The following TMEM232 variants were observed in gnomAD, a reference collection of about 807,000 sequenced individuals.
TMEM232 encodes the protein transmembrane protein 232.
Under a neutral mutation model 78.8 loss-of-function variants are expected in TMEM232, and 80 were observed. The observed-to-expected ratio is 1.01, with a 90% CI of 0.85 to 1.22. The LOEUF is 1.22. Ranked by LOEUF, TMEM232 falls within the 50% of genes most tolerant of loss-of-function variation. The pLI, the probability that TMEM232 is intolerant of heterozygous loss-of-function variation, is 0.00. For missense variants in TMEM232, 881 were observed against 742.2 expected (o/e 1.19, Z -2.17); for synonymous variants, 297 against 254.3 (o/e 1.17, Z -1.60).
chr5:110,598,314 C>A (rs541628604), intron 10 of TMEM232, among the ~76,000 whole-genome samples: 25 of 152,088 alleles, frequency 1.6e-4, no homozygotes, highest in Non-Finnish European at 3.1e-4. Flanking sequence ...CAATGAGATA[C>A]CATCTCACAC....
chr5:110,505,589 C>A (rs1439153456), intron 12 of TMEM232, among the ~76,000 whole-genome samples: 1 of 152,170 alleles, frequency 6.6e-6, no homozygotes, highest in Non-Finnish European at 1.5e-5. Flanking sequence ...TCACTGCAAC[C>A]TCCACCACCT....
chr5:110,511,204 A>C (rs1421438025), intron 12 of TMEM232, among the ~76,000 whole-genome samples: 1 of 152,168 alleles, frequency 6.6e-6, no homozygotes, highest in Admixed American at 6.6e-5. Context: ...ACAGAAAACC[A>C]AATACTGCAT....
At chr5:110,613,332 A>G (rs916930419) in intron 8 of TMEM232, among the ~76,000 whole-genome samples, 2 of 152,188 alleles carry the variant, frequency 1.3e-5, no homozygotes, top group African/African-American at 4.8e-5. Context: ...GACCAATAGC[A>G]TCAGAAATGG....
At chr5:110,401,337 A>G (rs543954364) in intron 2 of TMEM232, among the ~76,000 whole-genome samples, 26 of 151,622 alleles carry the variant, frequency 1.7e-4, no homozygotes, top group Admixed American at 5.9e-4. Context: ...ACAAATTTCA[A>G]GTGTCAATAA....
intron 2 of TMEM232, among the ~76,000 whole-genome samples, chr5:110,400,072 C>T (rs1025010000): frequency 6.6e-6 from 1 of 152,088 alleles, no homozygotes; most frequent in African/African-American, 2.4e-5. Context: ...CGGCCTATGG[C>T]CTGCTTTCCT....
rs550672970 is a variant in TMEM232, at chr5:110,538,898, G to T, written c.1456-10063C>A. 5.3e-5 allele frequency among the ~76,000 whole-genome samples: 8 copies of T among 152,172 alleles called. 1 individual carries two copies. In the South Asian group the frequency reaches 1.7e-3, roughly 32 times the overall value. On this transcript the variant is annotated intron_variant, in intron 11 of 13. Coordinates refer to ENST00000455884, the MANE Select transcript of TMEM232 (RefSeq NM_001039763.4). ...TTCCTCCCAGTTCATGACCATTACA[G>T]GAATGGAAGGAAAGCCGCAAACAAG...
chr5:110,587,687 ATATATGTGTGTGTGTGTG>A (rs1248705739), intron 10 of TMEM232, among the ~76,000 whole-genome samples: 69 of 78,200 alleles, frequency 8.8e-4, no homozygotes, highest in African/African-American at 3.2e-3. Flanking sequence ...ATATATATAT[ATATATGTGTGTGTGTGTG>A]TGTGTGTGTG....
chr5:110,434,476 C>G (rs549026477), intron 12 of TMEM232, among the ~76,000 whole-genome samples: 2 of 151,304 alleles, frequency 1.3e-5, no homozygotes, highest in East Asian at 3.9e-4. Flanking sequence ...AATAATAAAC[C>G]TACCAACCAA....
At chr5:110,723,898 A>G (rs1797899100) in intron 1 of TMEM232, among the ~76,000 whole-genome samples, 1 of 152,202 alleles carries the variant, frequency 6.6e-6, no homozygotes, top group African/African-American at 2.4e-5. Context: ...AGACATAAGA[A>G]TGGTGATAGA....
chr5:110,462,059 T>G (rs1377684819), intron 12 of TMEM232, among the ~76,000 whole-genome samples: 1 of 152,174 alleles, frequency 6.6e-6, no homozygotes, highest in Non-Finnish European at 1.5e-5. Context: ...TCTTCTAATT[T>G]AAGAAATACA....
At chr5:110,524,133 C>T (rs778579740) in intron 12 of TMEM232, among the ~76,000 whole-genome samples, 2 of 150,048 alleles carry the variant, frequency 1.3e-5, no homozygotes, top group Admixed American at 1.3e-4. Flanking sequence ...CATGGTGGTG[C>T]GTGCCTGTAG....
In TMEM232 at chr5:110,640,986, C is replaced by A. The variant is rs1306981484; in HGVS notation, c.248G>T (p.Gly83Val). The A allele has an allele frequency of 2.6e-6, 4 of 1,526,704 alleles. No homozygotes were observed. Among genetic ancestry groups the A allele is most frequent in the East Asian group, 2.5e-5 (1 of 39,476 alleles). The allele number at this position is 1,526,704 out of a possible 1,614,324, so 94.6% of individuals were successfully genotyped here. ...KIILRCKRKL[G>V]LKTLGSGRHV... is the part of the protein sequence containing the mutation. ...CCTTCCAGAGCCCAGGGTTTTGAGA[C>A]CCAATTTTCTCTGTTATGAGGAAGC... Residue 83 changes from glycine (G) to valine (V), a missense_variant, in exon 4 of 14, where the codon GGT becomes GTT. Physicochemically the swap from Gly to Val is moderately radical, Grantham distance 109 (BLOSUM62 -3). Transcript: ENST00000455884.
intron 1 of TMEM232, among the ~76,000 whole-genome samples, chr5:110,717,679 G>A (rs1448331598): frequency 6.6e-6 from 1 of 152,134 alleles, no homozygotes; most frequent in African/African-American, 2.4e-5. Flanking sequence ...TTGGTGGGAG[G>A]TGACTGGATC....
chr5:110,627,329 C>G (rs1318255941), intron 6 of TMEM232, among the ~76,000 whole-genome samples: 1 of 151,788 alleles, frequency 6.6e-6, no homozygotes, highest in Non-Finnish European at 1.5e-5. Context: ...CACAAAAAAG[C>G]TCATAAACTT....
chr5:110,525,815 A>G (rs1167647708), intron 12 of TMEM232, among the ~76,000 whole-genome samples: 1 of 151,344 alleles, frequency 6.6e-6, no homozygotes, highest in Non-Finnish European at 1.5e-5. Context: ...AATGTATTAT[A>G]CAGTCCAAAT....
At chr5:110,738,271 G>C, upstream of TMEM232, 1 of 1,275,934 alleles carries the variant, frequency 7.8e-7, no homozygotes. Context: ...CTCTACAGTA[G>C]TCCTCTCAGT....
chr5:110,546,219 T>C (rs1773763110), intron 11 of TMEM232, among the ~76,000 whole-genome samples: 1 of 151,930 alleles, frequency 6.6e-6, no homozygotes, highest in Admixed American at 6.6e-5. Context: ...AAAAAACATA[T>C]GAGATGAGAG....
chr5:110,545,268 C>A (rs1773634723), intron 11 of TMEM232, among the ~76,000 whole-genome samples: 7 of 151,940 alleles, frequency 4.6e-5, no homozygotes, highest in Admixed American at 4.6e-4. Flanking sequence ...GTTTAAAACT[C>A]AAATGCTTGA....
At chr5:110,552,990 A>G (rs1225317574) in intron 11 of TMEM232, among the ~76,000 whole-genome samples, 1 of 152,140 alleles carries the variant, frequency 6.6e-6, no homozygotes, top group Non-Finnish European at 1.5e-5. Flanking sequence ...CACTTATTGA[A>G]TAGGGAACCC....
Sources: gnomAD v4.1 joint callset for allele counts (sites outside exome capture counted in the v4.1 genomes callset) on GRCh38, gnomAD v4.1.1 for gene constraint, MANE v1.5 for transcripts, NCBI Gene and HGNC (gene_info 2026-07-23, HGNC 2026-07-21) for gene names.